Variants in SAMD4A observed in about 807,000 individuals in gnomAD.
SAMD4A encodes the protein protein Smaug homolog 1.
SAMD4A carries 33 observed loss-of-function variants against 81.3 expected under a neutral mutation model. The observed-to-expected ratio is 0.41, with a 90% CI of 0.31 to 0.54. The LOEUF is 0.54. Ranked by LOEUF, SAMD4A falls within the 20% of genes least tolerant of loss-of-function variation. The pLI, the probability that SAMD4A is intolerant of heterozygous loss-of-function variation, is 0.37. For missense variants in SAMD4A, 854 were observed against 951.1 expected (o/e 0.90, Z 1.34); for synonymous variants, 389 against 382.1 (o/e 1.02, Z -0.21).
intron 2 of SAMD4A, among the ~76,000 whole-genome samples, chr14:54,575,995 T>C (rs993838116): frequency 8.3e-6 from 1 of 120,206 alleles, no homozygotes; most frequent in African/African-American, 3.1e-5. Context: ...ATTTCTTTCT[T>C]TCTTTCTTTT....
chr14:54,576,990 C>T (rs536934444), intron 2 of SAMD4A, among the ~76,000 whole-genome samples: 1 of 152,234 alleles, frequency 6.6e-6, no homozygotes, highest in South Asian at 2.1e-4. Flanking sequence ...TTATTTTGGG[C>T]ACTGATCCCA....
chr14:54,687,518 G>C, intron 2 of SAMD4A: 1 of 374,308 alleles, frequency 2.7e-6, no homozygotes, highest in Non-Finnish European at 5.3e-6. Context: ...CAAACAAGTT[G>C]TGCTCATGCT....
intron 3 of SAMD4A, chr14:54,703,946 C>G (rs1243617140): frequency 6.6e-6 from 1 of 152,130 alleles, no homozygotes; most frequent in Non-Finnish European, 1.5e-5. Context: ...TACCAGGACT[C>G]TTTAAATGGC....
chr14:54,604,262 G>A (rs533520830), intron 2 of SAMD4A, among the ~76,000 whole-genome samples: 1 of 152,304 alleles, frequency 6.6e-6, no homozygotes, highest in Admixed American at 6.5e-5. Flanking sequence ...ACCAAGAATG[G>A]TGGCTTCCCA....
chr14:54,659,151 C>T (rs1044121475), intron 2 of SAMD4A, among the ~76,000 whole-genome samples: 4 of 152,176 alleles, frequency 2.6e-5, no homozygotes, highest in South Asian at 2.1e-4. Flanking sequence ...TTTCTTGGTC[C>T]CTTACAGAGG....
Position 54,748,919 on chromosome 14 carries a change from G to T in SAMD4A, c.1084G>T (p.Ala362Ser), listed in dbSNP as rs953708541. 5 of 1,550,996 alleles carry T rather than the reference G, an allele frequency of 3.2e-6. No homozygotes were observed. The highest frequency in any genetic ancestry group is 4.4e-6 in the Non-Finnish European group (5 of 1,145,948). Residue 362 changes from alanine (A) to serine (S), a missense_variant, in exon 5 of 13, where the codon GCG (alanine) becomes TCG (serine). Transcript: ENST00000554335. ...MMALTECQLE[A>S]QNVTKGARHK... is the part of the protein sequence containing the mutation. ...GGCCCTCACCGAGTGCCAGCTGGAG[G>T]CGCAGGTATGTGCTTGAGGTGACTG...
chr14:54,769,145 C>T (rs1478526719), intron 8 of SAMD4A, among the ~76,000 whole-genome samples: 1 of 152,188 alleles, frequency 6.6e-6, no homozygotes. Flanking sequence ...TCATATGTGA[C>T]GTGGGGTCCT....
intron 3 of SAMD4A, among the ~76,000 whole-genome samples, chr14:54,724,222 G>A (rs2140877830): frequency 6.6e-6 from 1 of 152,302 alleles, no homozygotes; most frequent in African/African-American, 2.4e-5. Context: ...AGGGTCAGTA[G>A]CTAAGCCCAG....
At chr14:54,700,570 C>T (rs185992992) in intron 2 of SAMD4A, among the ~76,000 whole-genome samples, 1 of 152,324 alleles carries the variant, frequency 6.6e-6, no homozygotes, top group East Asian at 1.9e-4. Context: ...CCAGAAACCC[C>T]TTCCAACCTT....
At chr14:54,769,902 T>C (rs1436776794) in intron 8 of SAMD4A, among the ~76,000 whole-genome samples, 1 of 152,180 alleles carries the variant, frequency 6.6e-6, no homozygotes, top group Non-Finnish European at 1.5e-5. Flanking sequence ...GTGTACCTTA[T>C]CACGCACCTC....
intron 2 of SAMD4A, among the ~76,000 whole-genome samples, chr14:54,603,009 G>T (rs1020174063): frequency 6.6e-6 from 1 of 152,164 alleles, no homozygotes; most frequent in Non-Finnish European, 1.5e-5. Context: ...TGATTTGTTT[G>T]CACATTAGAG....
rs1432388405 is a variant in SAMD4A at position 54,789,223 on chromosome 14, G to A, written c.*279G>A. On this transcript the variant is annotated 3_prime_UTR_variant, in exon 13 of 13. Transcript: ENST00000554335. Reference sequence around the variant, plus strand: ...GAATTATGAGACTGGGAGGGGGGTGGAGGGAATGCAGGTAGCTCTCTGGAT... The same window carrying A: ...GAATTATGAGACTGGGAGGGGGGTGAAGGGAATGCAGGTAGCTCTCTGGAT... The A allele has an allele frequency of 1.9e-6, 1 of 519,678 alleles. No individual in the cohort carries two copies. Among genetic ancestry groups the A allele is most frequent in the Non-Finnish European group, 3.5e-6 (1 of 287,624 alleles). 32.2% of individuals were successfully genotyped at this position (519,678 alleles called of 1,614,324 possible).
chr14:54,624,481 T>A (rs7152094), intron 2 of SAMD4A, among the ~76,000 whole-genome samples: 3,818 of 152,332 alleles, frequency 0.025, 156 homozygotes, highest in African/African-American at 0.088. Context: ...TTTCGAAGAC[T>A]ACCTGCCCTG....
intron 2 of SAMD4A, among the ~76,000 whole-genome samples, chr14:54,615,628 C>G (rs549353747): frequency 6.6e-6 from 1 of 152,234 alleles, no homozygotes; most frequent in South Asian, 2.1e-4. Flanking sequence ...TTCCACACAA[C>G]CTATTTATAA....
intron 2 of SAMD4A, among the ~76,000 whole-genome samples, chr14:54,607,033 T>C (rs534721547): frequency 7.2e-5 from 11 of 152,310 alleles, no homozygotes; most frequent in African/African-American, 2.6e-4. Flanking sequence ...ACTCGGAACA[T>C]GAGGCCTTGG....
At position 54,702,218 on chromosome 14, in the gene SAMD4A, A is replaced by G; in HGVS notation, c.353A>G (p.His118Arg). ...ILAHSIEHNQ[H>R]IEESRQLLSY... Reference sequence around the variant, plus strand: ...GCTCACTCTATTGAACACAACCAGCACATTGAGGAGAGCAGGCAGCTGCTG... The same window carrying G: ...GCTCACTCTATTGAACACAACCAGCGCATTGAGGAGAGCAGGCAGCTGCTG... The change falls in exon 3 of 13, where the codon CAC becomes CGC. Residue 118 changes from histidine (H) to arginine (R), a missense_variant. By Grantham distance (29) the His-to-Arg change is conservative. Transcript: ENST00000554335. The G allele has an allele frequency of 6.2e-7, 1 of 1,614,202 alleles. No homozygotes were observed. Among genetic ancestry groups the G allele is most frequent in the Non-Finnish European group, 8.5e-7 (1 of 1,180,030 alleles).
Position 54,792,872 on chromosome 14 carries a change from A to G in SAMD4A, c.*3928A>G, listed in dbSNP as rs1229389864. On this transcript the variant is annotated 3_prime_UTR_variant, in exon 13 of 13. Transcript: ENST00000554335. ...AGAAAACTTCCTCCCTTATTAATAT[A>G]TAATCCTCATGTATTTATGCCTAAT... 7.2e-5 allele frequency: 11 copies of G among 152,336 alleles called. No individual in the cohort carries two copies. The highest frequency in any genetic ancestry group is 3.4e-3 in the Middle Eastern group (1 of 294). 9.4% of individuals were successfully genotyped at this position (152,336 alleles called of 1,614,324 possible). A position where few individuals can be genotyped will look rare whatever the true frequency, so the allele number is the denominator to read the frequency against.
chr14:54,768,887 C>A (rs4898853), intron 8 of SAMD4A, among the ~76,000 whole-genome samples: 40,925 of 152,094 alleles, frequency 0.27, 6,255 homozygotes, highest in East Asian at 0.54. Flanking sequence ...CTTAAAGATT[C>A]AGCATCACTG....
intron 4 of SAMD4A, among the ~76,000 whole-genome samples, chr14:54,738,791 A>G (rs371841060): frequency 1.3e-5 from 2 of 152,228 alleles, no homozygotes; most frequent in Non-Finnish European, 2.9e-5. Context: ...TGAAAGACCA[A>G]GGGAGGCTGA....
Sources: gnomAD v4.1 joint callset for allele counts (sites outside exome capture counted in the v4.1 genomes callset) on GRCh38, gnomAD v4.1.1 for gene constraint, MANE v1.5 for transcripts, NCBI Gene and HGNC (gene_info 2026-07-23, HGNC 2026-07-21) for gene names.